The following CDH13 variants were observed in gnomAD, a reference collection of about 807,000 sequenced individuals.
CDH13 encodes the protein cadherin-13.
Under a neutral mutation model 63.8 loss-of-function variants are expected in CDH13, and 24 were observed. The ratio of observed to expected loss-of-function variants is 0.38; its 90% CI spans 0.27 to 0.53. The LOEUF is 0.53. Ranked by LOEUF, CDH13 falls within the 20% of genes least tolerant of loss-of-function variation. The pLI, the probability that CDH13 is intolerant of heterozygous loss-of-function variation, is 0.85. For missense variants in CDH13, 1,049 were observed against 903.1 expected (o/e 1.16, Z -2.07); for synonymous variants, 503 against 355.3 (o/e 1.42, Z -4.67).
At chr16:82,743,673 G>T (rs868284669) in intron 1 of CDH13, among the ~76,000 whole-genome samples, 2 of 152,052 alleles carry the variant, frequency 1.3e-5, no homozygotes, top group Non-Finnish European at 2.9e-5. Flanking sequence ...TCTTTTCCTT[G>T]GTCAGCATAA....
At chr16:83,131,029 G>C (rs1484470973) in intron 4 of CDH13, among the ~76,000 whole-genome samples, 1 of 152,202 alleles carries the variant, frequency 6.6e-6, no homozygotes, top group Non-Finnish European at 1.5e-5. Flanking sequence ...TAATTTATCT[G>C]TCTGCCAAGT....
chr16:82,970,992 A>C (rs1045363062), intron 2 of CDH13, among the ~76,000 whole-genome samples: 3 of 152,192 alleles, frequency 2.0e-5, no homozygotes, highest in Non-Finnish European at 2.9e-5. Context: ...TAGGTTGCAA[A>C]ATCCATAGCA....
intron 3 of CDH13, among the ~76,000 whole-genome samples, chr16:83,085,189 G>C (rs754528066): frequency 2.0e-4 from 30 of 152,060 alleles, no homozygotes; most frequent in Non-Finnish European, 3.7e-4. Flanking sequence ...GGGGGCAAAA[G>C]GCACTTCTTT....
chr16:82,822,228 G>C (rs927900169), intron 1 of CDH13, among the ~76,000 whole-genome samples: 1 of 152,120 alleles, frequency 6.6e-6, no homozygotes, highest in Non-Finnish European at 1.5e-5. Flanking sequence ...GCTTCCAAAT[G>C]TCTATCAAAA....
intron 5 of CDH13, among the ~76,000 whole-genome samples, chr16:83,241,228 C>G (rs192529597): frequency 7.4e-4 from 113 of 152,266 alleles, no homozygotes; most frequent in Non-Finnish European, 1.2e-3. Flanking sequence ...TTTCCATTAT[C>G]CATTCATCTA....
chr16:83,356,211 C>CATGT (rs1207932387), intron 6 of CDH13, among the ~76,000 whole-genome samples: 1 of 60,788 alleles, frequency 1.6e-5, no homozygotes, highest in African/African-American at 8.1e-5. Context: ...TATTTATTTT[C>CATGT]ATGTGTGTGT....
In CDH13 at chr16:82,831,271, C is replaced by T. The variant is rs9934808; in HGVS notation, c.46-27091C>T. On this transcript the variant is annotated intron_variant, in intron 1 of 13. Coordinates refer to ENST00000567109, the MANE Select transcript of CDH13 (RefSeq NM_001257.5). ...TGCCAATCATTAGCATTTCAGAAACCCCAGGCCGAAACCATACATTTATCC... is the reference window on the plus strand; with the variant it reads ...TGCCAATCATTAGCATTTCAGAAACTCCAGGCCGAAACCATACATTTATCC... Among the ~76,000 whole-genome samples the T allele has an allele frequency of 3.9e-5, 6 of 152,120 alleles. No homozygotes were observed. In the East Asian group the frequency reaches 9.7e-4, roughly 25 times the overall value.
chr16:82,805,739 C>A (rs1343656746), intron 1 of CDH13, among the ~76,000 whole-genome samples: 1 of 152,190 alleles, frequency 6.6e-6, no homozygotes, highest in Admixed American at 6.5e-5. Context: ...CGAAGGAATT[C>A]TTAGGAGCAT....
At chr16:82,858,235 C>A (rs1452882712) in intron 1 of CDH13, 127 bp from the exon 2 acceptor site, 8 of 631,942 alleles carry the variant, frequency 1.3e-5, no homozygotes, top group Non-Finnish European at 2.3e-5. Context: ...GAAGTTTCAA[C>A]TTACCTCTTC....
At chr16:83,679,017 G>A (rs977945187) in intron 10 of CDH13, among the ~76,000 whole-genome samples, 2 of 152,128 alleles carry the variant, frequency 1.3e-5, no homozygotes, top group Non-Finnish European at 2.9e-5. Flanking sequence ...TGCCAGAAGG[G>A]GAAGGAGCAA....
At chr16:83,352,613 G>A (rs938171654) in intron 6 of CDH13, among the ~76,000 whole-genome samples, 3 of 152,160 alleles carry the variant, frequency 2.0e-5, no homozygotes, top group South Asian at 2.1e-4. Context: ...AAAATCAGCC[G>A]GGTGCGGTGG....
At chr16:82,793,036 G>A (rs1339524677) in intron 1 of CDH13, among the ~76,000 whole-genome samples, 5 of 152,240 alleles carry the variant, frequency 3.3e-5, no homozygotes, top group African/African-American at 1.2e-4. Context: ...TTGGGCAGCA[G>A]TCTGCCCCTG....
At chr16:83,073,725 A>G (rs141479721) in intron 3 of CDH13, among the ~76,000 whole-genome samples, 5 of 152,214 alleles carry the variant, frequency 3.3e-5, no homozygotes, top group African/African-American at 1.2e-4. Context: ...ATATGATCAT[A>G]TATTTAATAT....
chr16:82,772,267 C>T (rs977010762), intron 1 of CDH13, among the ~76,000 whole-genome samples: 1 of 152,166 alleles, frequency 6.6e-6, no homozygotes, highest in Non-Finnish European at 1.5e-5. Context: ...TAAATATTTA[C>T]TGGCATACTA....
chr16:83,643,951 C>T (rs1250555648), intron 8 of CDH13, among the ~76,000 whole-genome samples: 2 of 152,206 alleles, frequency 1.3e-5, no homozygotes, highest in Non-Finnish European at 2.9e-5. Flanking sequence ...AGCTCCGCTC[C>T]TAGAGAGCGT....
At chr16:82,929,520 T>C (rs577295675) in intron 2 of CDH13, among the ~76,000 whole-genome samples, 71 of 150,908 alleles carry the variant, frequency 4.7e-4, no homozygotes, top group South Asian at 6.3e-4. Flanking sequence ...GGCATGGTAG[T>C]GGGCGCCTGT....
At chr16:83,094,615 G>C (rs12922854) in intron 3 of CDH13, among the ~76,000 whole-genome samples, 60,663 of 151,888 alleles carry the variant, frequency 0.4, 12,867 homozygotes, top group Middle Eastern at 0.58. Flanking sequence ...GTTTATAGCT[G>C]TCAGCCTCCA....
At chr16:83,574,140 G>C (rs1248722954) in intron 7 of CDH13, among the ~76,000 whole-genome samples, 1 of 152,216 alleles carries the variant, frequency 6.6e-6, no homozygotes, top group Non-Finnish European at 1.5e-5. Context: ...TCAGATGAGA[G>C]AGATAAGTGC....
chr16:83,015,701 A>G lies in CDH13; in HGVS notation c.158-16309A>G, dbSNP rs1213468963. 5.1e-5 allele frequency among the ~76,000 whole-genome samples: 6 copies of G among 117,130 alleles called. 1 individual carries two copies. Among genetic ancestry groups the G allele is most frequent in the South Asian group, 2.9e-4 (1 of 3,496 alleles). 76.8% of individuals were successfully genotyped at this position (117,130 alleles called of 152,430 possible). A position where few individuals can be genotyped will look rare whatever the true frequency, so the allele number is the denominator to read the frequency against. On this transcript the variant is annotated intron_variant, in intron 2 of 13. Coordinates refer to ENST00000567109, the MANE Select transcript of CDH13 (RefSeq NM_001257.5). ...TGTATATATATATATATATATATAT[A>G]TATATATATATATATATATATAAAG...
Sources: allele counts gnomAD v4.1 joint callset (sites outside exome capture counted in the v4.1 genomes callset), GRCh38; gene constraint gnomAD v4.1.1; transcripts MANE v1.5; gene names NCBI Gene and HGNC (gene_info 2026-07-23, HGNC 2026-07-21).